The following IL17RC variants were observed in gnomAD, a reference collection of about 807,000 sequenced individuals.
IL17RC encodes the protein interleukin-17 receptor C.
In IL17RC, 53 loss-of-function variants were observed where a neutral mutation model predicts 86.7. The ratio of observed to expected loss-of-function variants is 0.61; its 90% CI spans 0.49 to 0.77. The LOEUF (loss-of-function observed/expected upper bound fraction) is 0.77. Among genes scored for constraint, IL17RC ranks in the 30% least tolerant of loss-of-function variants. The pLI is 0.00. For synonymous variants in IL17RC, 439 were observed against 413.1 expected (o/e 1.06, Z -0.76); for missense variants, 957 against 940.0 (o/e 1.02, Z -0.24).
In IL17RC at chr3:9,932,615, C is replaced by G. The variant is rs757962513; in HGVS notation, c.1395C>G (p.His465Gln). 3 of 1,614,130 alleles carry G rather than the reference C, an allele frequency of 1.9e-6. No individual in the cohort carries two copies. In the Admixed American group the frequency reaches 5.0e-5, roughly 27 times the overall value. The change falls in exon 17 of 19, where the codon CAC becomes CAG. Residue 465 changes from histidine to glutamine, a missense_variant. Coordinates refer to ENST00000403601, the MANE Select transcript of IL17RC (RefSeq NM_153460.4). ...CTTCTCTGGGTCTCCCAGACATCCACAAGCGCTGGGCCCTCGTGTGGCTGG... is the reference window on the plus strand; with the variant it reads ...CTTCTCTGGGTCTCCCAGACATCCAGAAGCGCTGGGCCCTCGTGTGGCTGG... The part of the protein sequence containing the change: ...LWACPMDKYI[H>Q]KRWALVWLAC...
rs375878052 is a variant in IL17RC, at chr3:9,917,537, G to GTCTGGTCTT, written c.105+123_105+124insCTTTCTGGT. 1.7e-3 allele frequency: 2,700 copies of GTCTGGTCTT among 1,614,210 alleles called. 34 individuals carry two copies. The African/African-American group carries it at 0.032, about 19-fold the overall frequency. On this transcript the variant is annotated intron_variant, in intron 1 of 18. Coordinates refer to ENST00000403601, the MANE Select transcript of IL17RC (RefSeq NM_153460.4). Reference sequence around the variant, plus strand: ...CTGCCAGAACTGCCCTGTCTGGTCTGTCTGGTGCTGATGGTAGAAGAGAAG... The same window carrying GTCTGGTCTT: ...CTGCCAGAACTGCCCTGTCTGGTCTGTCTGGTCTTTCTGGTGCTGATGGTAGAAGAGAAG...
chr3:9,933,422 G>T lies in IL17RC; in HGVS notation c.1992G>T (p.Gly664=). 2 of 1,613,220 alleles carry T rather than the reference G, an allele frequency of 1.2e-6. No homozygotes were observed. The highest frequency in any genetic ancestry group is 1.7e-6 in the Non-Finnish European group (2 of 1,179,816). Residue 664 remains glycine (G), a synonymous_variant, in exon 19 of 19, where the codon GGG becomes GGT. Transcript: ENST00000403601. ...CCTCCCAACTGCCAGACTTCCTGGG[G>T]GCCCTGCAGCAGCCTCGCGCCCCGC... The part of the protein sequence containing the change: ...TLPSQLPDFL[G]ALQQPRAPRS...
chr3:9,932,666 T>A lies in IL17RC; in HGVS notation c.1446T>A (p.Leu482=), dbSNP rs774295793. The part of the protein sequence containing the change: ...WLACLLFAAA[L]SLILLLKKDH... ...CCTGCCTACTCTTTGCCGCTGCGCT[T>A]TCCCTCATCCTCCTTCTCAAAAAGG... The change falls in exon 17 of 19, where the codon CTT becomes CTA. Residue 482 remains leucine (L), a synonymous_variant. Coordinates refer to ENST00000403601, the MANE Select transcript of IL17RC (RefSeq NM_153460.4). The A allele has an allele frequency of 6.2e-7, 1 of 1,614,168 alleles. No homozygotes were observed. The highest frequency in any genetic ancestry group is 2.2e-5 in the East Asian group (1 of 44,872).
chr3:9,932,742 C>A, intron 17 of IL17RC, 39 bp downstream of exon 17: 3 of 1,611,208 alleles, frequency 1.9e-6, no homozygotes, highest in Non-Finnish European at 2.5e-6. Context: ...TGGGGGAGGA[C>A]CAGAGTGGCT....
rs753663663 is a variant in IL17RC, at chr3:9,918,505, C to T, written c.361C>T (p.Leu121Phe). 1.9e-6 allele frequency: 3 copies of T among 1,614,048 alleles called. No individual in the cohort carries two copies. The highest frequency in any genetic ancestry group is 2.2e-5 in the East Asian group (1 of 44,888). ...CCCTGCCCTGTTGCCCACAGCCTCT[C>T]TCCAGGCCCAAGTCGTGCTCTCCTT... is the stretch of plus-strand genomic sequence containing the variant. ...SGVEEPRNASLQAQVVLSFQA... is the reference protein window; with the variant it reads ...SGVEEPRNASFQAQVVLSFQA... The change falls in exon 5 of 19, where the codon CTC (leucine) becomes TTC (phenylalanine). Residue 121 changes from leucine (L) to phenylalanine (F), a missense_variant. Leu to Phe is a conservative substitution (Grantham distance 22). Coordinates refer to ENST00000403601, the MANE Select transcript of IL17RC (RefSeq NM_153460.4).
At chr3:9,932,374 G>C (rs1437186678) in intron 16 of IL17RC, among the ~76,000 whole-genome samples, 70 of 145,688 alleles carry the variant, frequency 4.8e-4, no homozygotes, top group African/African-American at 1.9e-3. Flanking sequence ...TTACAGGCGT[G>C]TGCCACCACG....
At chr3:9,922,672 G>A (rs548642277) in intron 7 of IL17RC, among the ~76,000 whole-genome samples, 43 of 152,208 alleles carry the variant, frequency 2.8e-4, no homozygotes, top group Non-Finnish European at 5.4e-4. Context: ...ATGGAGATGT[G>A]AAGAATGCAG....
At position 9,920,577 on chromosome 3, in the gene IL17RC, A is replaced by G; in HGVS notation, c.552A>G (p.Glu184=). The part of the protein sequence containing the change: ...WSYTQPRYEK[E]LNHTQQLPDC... ...ATACTCAGCCCAGGTACGAGAAGGA[A>G]CTCAACCACACACAGCAGCTGCCTG... Residue 184 remains glutamate, a synonymous_variant, in exon 6 of 19, where the codon GAA becomes GAG. Transcript: ENST00000403601. 1 of 1,606,588 alleles carries G rather than the reference A, an allele frequency of 6.2e-7. No homozygotes were observed. The highest frequency in any genetic ancestry group is 8.5e-7 in the Non-Finnish European group (1 of 1,175,630).
intron 16 of IL17RC, 62 bp from the exon 17 acceptor site, chr3:9,932,546 A>G: frequency 6.9e-7 from 1 of 1,440,976 alleles, no homozygotes; most frequent in Admixed American, 1.7e-5. Flanking sequence ...ATTTCTGTTA[A>G]GTCTCAGTTT....
At chr3:9,924,335 A>G (rs1447306434) in intron 9 of IL17RC, 44 bp downstream of exon 9, 1 of 1,575,322 alleles carries the variant, frequency 6.3e-7, no homozygotes, top group South Asian at 1.1e-5. Flanking sequence ...GAGTGGGAAG[A>G]TGATGATGGG....
intron 3 of IL17RC, 52 bp from the exon 4 acceptor site, chr3:9,918,283 C>A: frequency 6.7e-7 from 1 of 1,496,230 alleles, no homozygotes; most frequent in Non-Finnish European, 9.1e-7. Context: ...CCAAAGCCAG[C>A]CAGCCCAGAG....
At chr3:9,928,020 T>C (rs1575581548) in intron 9 of IL17RC, 146 bp from the exon 10 acceptor site, 1 of 720,518 alleles carries the variant, frequency 1.4e-6, no homozygotes, top group Non-Finnish European at 2.4e-6. Flanking sequence ...AGAATAGATG[T>C]GAGCACCTCC....
chr3:9,928,660 G>A (rs761812709), intron 12 of IL17RC, 30 bp downstream of exon 12: 1 of 1,612,574 alleles, frequency 6.2e-7, no homozygotes, highest in African/African-American at 1.3e-5. Context: ...TGCTGGGCTG[G>A]AGGCTGGACC....
intron 9 of IL17RC, among the ~76,000 whole-genome samples, chr3:9,927,231 C>T (rs1274689127): frequency 1.4e-4 from 1 of 6,950 alleles, no homozygotes; most frequent in East Asian, 3.4e-3. Flanking sequence ...CAACACATAG[C>T]AGGTGCTTAC....
intron 3 of IL17RC, 47 bp downstream of exon 3, chr3:9,918,122 C>T (rs767663600): frequency 2.6e-6 from 4 of 1,537,532 alleles, no homozygotes; most frequent in South Asian, 2.4e-5. Context: ...GTGAGTGTGT[C>T]TGGGGTGGGC....
At chr3:9,924,139 T>C (rs773257896) in intron 8 of IL17RC, 93 bp from the exon 9 acceptor site, 2 of 1,607,722 alleles carry the variant, frequency 1.2e-6, no homozygotes, top group Non-Finnish European at 1.7e-6. Context: ...GGAAAATTGG[T>C]GGGGGAACTT....
chr3:9,920,699 C>A, intron 6 of IL17RC, 97 bp downstream of exon 6: 3 of 896,558 alleles, frequency 3.3e-6, no homozygotes, highest in Non-Finnish European at 5.4e-6. Flanking sequence ...CACTCTCCGG[C>A]AGGGGTCTGA....
intron 12 of IL17RC, chr3:9,929,541 A>G (rs904976070): frequency 2.4e-6 from 1 of 417,060 alleles, no homozygotes; most frequent in African/African-American, 2.0e-5. Flanking sequence ...CTGGGGTTGC[A>G]ATTTTTAGCA....
At position 9,930,881 on chromosome 3, in the gene IL17RC, T is replaced by C; in HGVS notation, c.1339-14T>C. Reference sequence around the variant, plus strand: ...GGCTGGTGCCCTGGATTTGGTTCTGTTTGTATCTTACAGCTATGGGACGAT... The same window carrying C: ...GGCTGGTGCCCTGGATTTGGTTCTGCTTGTATCTTACAGCTATGGGACGAT... On this transcript the variant is annotated splice_polypyrimidine_tract_variant and intron_variant, in intron 15 of 18. Transcript: ENST00000403601. The surrounding 1 kb of genome is among the most constrained non-coding windows in gnomAD (Gnocchi z 5.8). 6.2e-7 allele frequency: 1 copy of C among 1,613,690 alleles called. No homozygotes were observed. The highest frequency in any genetic ancestry group is 8.5e-7 in the Non-Finnish European group (1 of 1,179,566).
Sources: gnomAD v4.1 joint callset for allele counts (sites outside exome capture counted in the v4.1 genomes callset) on GRCh38, gnomAD v4.1.1 for gene constraint, Gnocchi (gnomAD v3.1) non-coding constraint, MANE v1.5 for transcripts, NCBI Gene and HGNC (gene_info 2026-07-23, HGNC 2026-07-21) for gene names.